TCERG1: variants seen among roughly 807,000 people sequenced by gnomAD.
TCERG1 encodes TATA box binding protein (TBP)-associated factor, RNA polymerase II, S, 150kD.
Under a neutral mutation model 144.7 loss-of-function variants are expected in TCERG1, and 37 were observed. The observed-to-expected ratio is 0.26, with a 90% CI of 0.20 to 0.34. The LOEUF (loss-of-function observed/expected upper bound fraction) is 0.34. Ranked by LOEUF, TCERG1 falls within the 10% of genes least tolerant of loss-of-function variation. TCERG1 has a pLI of 1.00. For synonymous variants in TCERG1, 492 were observed against 458.2 expected (o/e 1.07, Z -0.94); for missense variants, 1,027 against 1,380.7 (o/e 0.74, Z 4.06).
intron 21 of TCERG1, 78 bp downstream of exon 21, chr5:146,508,034 C>A: frequency 1.1e-6 from 1 of 939,600 alleles, no homozygotes. Context: ...ACTATCTTAA[C>A]CAAAATGAAG....
chr5:146,488,141 A>G (rs922296820), intron 15 of TCERG1, among the ~76,000 whole-genome samples: 54 of 152,156 alleles, frequency 3.5e-4, no homozygotes, highest in African/African-American at 1.3e-3. Flanking sequence ...CTGAAATGAT[A>G]AAACTACTAG....
Position 146,510,612 on chromosome 5 carries a change from A to G in TCERG1, c.3318A>G (p.Ala1106=), listed in dbSNP as rs1232912416. 1.2e-6 allele frequency: 2 copies of G among 1,614,136 alleles called. No individual in the cohort carries two copies. Residue 1106 remains alanine, a synonymous_variant, in exon 23 of 23, where the codon GCA becomes GCG. Transcript: ENST00000679501. The part of the protein sequence containing the change: ...DRRGPPPPPT[A]SEPTRRSTK ...GGGGTCCACCCCCACCTCCCACAGC[A>G]TCGGAGCCCACGAGACGATCAACAA...
chr5:146,507,974 C>T lies in TCERG1; in HGVS notation c.3045+18C>T, dbSNP rs761932832. 10 of 1,574,430 alleles carry T rather than the reference C, an allele frequency of 6.4e-6. No homozygotes were observed. Among genetic ancestry groups the T allele is most frequent in the South Asian group, 2.3e-5 (2 of 86,238 alleles). On this transcript the variant is annotated intron_variant, in intron 21 of 22. Coordinates refer to ENST00000679501, the MANE Select transcript of TCERG1 (RefSeq NM_001382548.1). The surrounding 1 kb of genome is among the most constrained non-coding windows in gnomAD (Gnocchi z 4.6). Reference sequence around the variant, plus strand: ...GTGACAGGGTAAGAGGATTTTGTGTCGAGATTTACTGTCAGTCTATAAATA... The same window carrying T: ...GTGACAGGGTAAGAGGATTTTGTGTTGAGATTTACTGTCAGTCTATAAATA...
intron 13 of TCERG1, chr5:146,481,514 C>T (rs1305156334): frequency 6.6e-6 from 1 of 152,040 alleles, no homozygotes; most frequent in Non-Finnish European, 1.5e-5. Context: ...TGATTCATTG[C>T]CTAAGTTGCT....
intron 15 of TCERG1, among the ~76,000 whole-genome samples, chr5:146,489,969 C>T (rs1766237325): frequency 6.6e-6 from 1 of 152,114 alleles, no homozygotes; most frequent in Non-Finnish European, 1.5e-5. Flanking sequence ...TCTGGGGTAG[C>T]CCAGCAGAGG....
chr5:146,470,780 C>T, intron 8 of TCERG1, 32 bp downstream of exon 8: 1 of 1,502,708 alleles, frequency 6.7e-7, no homozygotes, highest in Non-Finnish European at 9.1e-7. Flanking sequence ...ACCTGGGAGC[C>T]ACATTAATTG....
chr5:146,469,761 A>G lies in TCERG1; in HGVS notation c.1399+17A>G, dbSNP rs200743119. On this transcript the variant is annotated intron_variant, in intron 7 of 22. Transcript: ENST00000679501. ...AGGAAAAAGGTATATAGTGGTTTTA[A>G]TGACTTGGAAAGTAGTATAAACTGT... The G allele has an allele frequency of 9.3e-5, 142 of 1,531,178 alleles. 1 individual carries two copies. The African/African-American group carries it at 1.8e-3, about 19-fold the overall frequency. The allele number at this position is 1,531,178 out of a possible 1,614,324, so 94.8% of individuals were successfully genotyped here.
chr5:146,472,882 T>G (rs964784391), intron 9 of TCERG1, among the ~76,000 whole-genome samples: 1 of 152,108 alleles, frequency 6.6e-6, no homozygotes, highest in Admixed American at 6.5e-5. Flanking sequence ...CCTGGCTAAT[T>G]TTTTGCATTT....
rs542946989 is a variant in TCERG1 at position 146,454,736 on chromosome 5, T to TA, written c.60-319dup. ...CCTCAGCCTCCCCAATAGCAGGACT[T>TA]ACAGGCGTGCGCCTCCATACCTGGC... On this transcript the variant is annotated intron_variant, in intron 1 of 22. Coordinates refer to ENST00000679501, the MANE Select transcript of TCERG1 (RefSeq NM_001382548.1). 8.6e-3 allele frequency among the ~76,000 whole-genome samples: 1,309 copies of TA among 152,296 alleles called. 21 individuals carry two copies. Among genetic ancestry groups the TA allele is most frequent in the African/African-American group, 0.03 (1,250 of 41,556 alleles).
chr5:146,463,524 A>T, intron 4 of TCERG1, 27 bp from the exon 5 acceptor site: 1 of 1,613,424 alleles, frequency 6.2e-7, no homozygotes, highest in African/African-American at 1.3e-5. Flanking sequence ...AAGGAGTGAT[A>T]CATGTTTTTG....
chr5:146,454,886 C>T (rs1581376473), intron 1 of TCERG1, among the ~76,000 whole-genome samples, 170 bp from the exon 2 acceptor site: 2 of 152,336 alleles, frequency 1.3e-5, no homozygotes, highest in East Asian at 3.9e-4. Flanking sequence ...ATGTGAGCCA[C>T]TGCACCCGGC....
chr5:146,473,080 C>T (rs1008095967), intron 9 of TCERG1, among the ~76,000 whole-genome samples: 3 of 152,044 alleles, frequency 2.0e-5, no homozygotes, highest in African/African-American at 4.8e-5. Flanking sequence ...TGTCAAAAGC[C>T]GAGATAGGCT....
intron 4 of TCERG1, among the ~76,000 whole-genome samples, chr5:146,462,295 A>G (rs1763404813): frequency 6.6e-6 from 1 of 152,174 alleles, no homozygotes; most frequent in South Asian, 2.1e-4. Flanking sequence ...ATTTTATTTC[A>G]TTTGACAAAT....
At chr5:146,498,899 T>C (rs1767180610) in intron 17 of TCERG1, among the ~76,000 whole-genome samples, 1 of 152,228 alleles carries the variant, frequency 6.6e-6, no homozygotes. Context: ...CTAAACTATA[T>C]ACTTTTGCTT....
At chr5:146,483,492 A>G in intron 14 of TCERG1, 48 bp from the exon 15 acceptor site, 2 of 1,534,450 alleles carry the variant, frequency 1.3e-6, no homozygotes, top group Non-Finnish European at 1.8e-6. Flanking sequence ...TGACCTTTAT[A>G]TTTTTAGAGG....
At chr5:146,489,763 T>A (rs933983868) in intron 15 of TCERG1, among the ~76,000 whole-genome samples, 4 of 152,200 alleles carry the variant, frequency 2.6e-5, no homozygotes, top group Non-Finnish European at 5.9e-5. Context: ...GAATTATTTT[T>A]AAAATTTACT....
At chr5:146,458,179 T>A (rs1478470309) in intron 3 of TCERG1, among the ~76,000 whole-genome samples, 2 of 151,912 alleles carry the variant, frequency 1.3e-5, no homozygotes, top group East Asian at 3.9e-4. Context: ...TTTTATTTTT[T>A]ATTTTTTTAT....
intron 17 of TCERG1, 32 bp from the exon 18 acceptor site, chr5:146,503,343 C>T: frequency 1.3e-6 from 2 of 1,585,964 alleles, no homozygotes; most frequent in Non-Finnish European, 1.7e-6. Flanking sequence ...CATTATTTTC[C>T]CTCCCATCCC....
At chr5:146,500,128 T>G (rs1456875665) in intron 17 of TCERG1, among the ~76,000 whole-genome samples, 1 of 151,888 alleles carries the variant, frequency 6.6e-6, no homozygotes, top group African/African-American at 2.4e-5. Context: ...GCTATAAAAA[T>G]CTTAATTCTT....
Sources: gnomAD v4.1 joint callset for allele counts (sites outside exome capture counted in the v4.1 genomes callset) on GRCh38, gnomAD v4.1.1 for gene constraint, Gnocchi (gnomAD v3.1) non-coding constraint, MANE v1.5 for transcripts, NCBI Gene and HGNC (gene_info 2026-07-23, HGNC 2026-07-21) for gene names.